PTPRN2: variants seen among roughly 807,000 people sequenced by gnomAD.
The protein encoded by PTPRN2 is receptor-type tyrosine-protein phosphatase N2.
Under a neutral mutation model 118.8 loss-of-function variants are expected in PTPRN2, and 74 were observed. That is an observed-to-expected ratio of 0.62 (90% confidence interval 0.52 to 0.76). The LOEUF (loss-of-function observed/expected upper bound fraction) is 0.76, where lower values mean the gene tolerates loss of function less well. Ranked by LOEUF, PTPRN2 falls within the 30% of genes least tolerant of loss-of-function variation. The probability of loss-of-function intolerance (pLI) is 0.00; values close to 1 mark genes in which losing one functional copy is unlikely to be tolerated. For missense variants in PTPRN2, 1,481 were observed against 1,394.4 expected, an observed-to-expected ratio of 1.06 and a Z score of -0.99; for synonymous variants, 641 against 608.0, an observed-to-expected ratio of 1.05 and a Z score of -0.80.
chr7:158,333,970 A>ACGTCAC (rs1563159014), intron 2 of PTPRN2, among the ~76,000 whole-genome samples: 2 of 3,684 alleles, frequency 5.4e-4, no homozygotes, highest in Non-Finnish European at 6.2e-4. Flanking sequence ...CACACCCACA[A>ACGTCAC]TCTCACCATA....
intron 2 of PTPRN2, among the ~76,000 whole-genome samples, chr7:158,374,714 C>T (rs768088284): frequency 6.6e-5 from 10 of 152,108 alleles, no homozygotes; most frequent in South Asian, 2.1e-4. Flanking sequence ...GAATGCCCTG[C>T]GGAAATCCAG....
In PTPRN2 at chr7:157,990,680, C is replaced by T. The variant is rs1205363108; in HGVS notation, c.1723+90618G>A. The stretch of plus-strand genomic sequence containing the variant: ...CCCTTCCCAGTGAAGTCCCAGGAAA[C>T]AGCCTCTCATGTTGCTGGGCCGGTG... On this transcript the variant is annotated intron_variant, in intron 11 of 22. Coordinates refer to ENST00000389418, the MANE Select transcript of PTPRN2 (RefSeq NM_002847.5). This position sits in a 1 kb window ranked among gnomAD's most constrained non-coding sequence, Gnocchi z 4.3. Among the ~76,000 whole-genome samples, 2 of 152,180 alleles carry T rather than the reference C, an allele frequency of 1.3e-5. No homozygotes were observed. Among genetic ancestry groups the T allele is most frequent in the African/African-American group, 4.8e-5 (2 of 41,432 alleles).
chr7:157,737,532 G>A (rs1206440465), intron 12 of PTPRN2, among the ~76,000 whole-genome samples: 1 of 152,252 alleles, frequency 6.6e-6, no homozygotes, highest in Non-Finnish European at 1.5e-5. Flanking sequence ...AGCTTCCCTG[G>A]TTATCCCCTG....
intron 12 of PTPRN2, among the ~76,000 whole-genome samples, chr7:157,783,269 A>G (rs1803795361): frequency 6.6e-6 from 1 of 151,868 alleles, no homozygotes; most frequent in Non-Finnish European, 1.5e-5. Context: ...ACAGACGAAT[A>G]CACCTGCCTT....
intron 2 of PTPRN2, 78 bp downstream of exon 2, chr7:158,489,657 G>T: frequency 7.0e-7 from 1 of 1,430,790 alleles, no homozygotes; most frequent in Non-Finnish European, 9.4e-7. Context: ...CAGCGGCGGG[G>T]CTCACCAGGC....
chr7:157,786,961 G>C (rs908969492), intron 12 of PTPRN2, among the ~76,000 whole-genome samples: 2 of 152,166 alleles, frequency 1.3e-5, no homozygotes, highest in Non-Finnish European at 2.9e-5. Flanking sequence ...GTCAGCTGTA[G>C]GTCCCATGGC....
rs561547928 is a variant in PTPRN2 at position 157,573,383 on chromosome 7, G to A, written c.2784-1890C>T. On this transcript the variant is annotated intron_variant, in intron 19 of 22. Transcript: ENST00000389418. Reference sequence around the variant, plus strand: ...GCCTCTGAATCTTGCAAATGGGAATGACCTCAGTTCTGCTCCTCCAGCTTC... The same window carrying A: ...GCCTCTGAATCTTGCAAATGGGAATAACCTCAGTTCTGCTCCTCCAGCTTC... Among the ~76,000 whole-genome samples the A allele has an allele frequency of 5.3e-5, 8 of 152,364 alleles. 1 individual carries two copies. The South Asian group carries it at 1.7e-3, about 32-fold the overall frequency.
At chr7:157,918,540 C>T (rs1265196700) in intron 11 of PTPRN2, among the ~76,000 whole-genome samples, 1 of 152,140 alleles carries the variant, frequency 6.6e-6, no homozygotes, top group Non-Finnish European at 1.5e-5. Context: ...TCAAACTACT[C>T]ATTATCTACA....
chr7:158,409,827 T>G (rs992091279), intron 2 of PTPRN2, among the ~76,000 whole-genome samples: 4 of 152,194 alleles, frequency 2.6e-5, no homozygotes, highest in Non-Finnish European at 5.9e-5. Flanking sequence ...GTTTTAAGAA[T>G]TGACATAAAG....
intron 2 of PTPRN2, among the ~76,000 whole-genome samples, chr7:158,342,135 G>GACA (rs1806977573): frequency 1.1e-5 from 1 of 90,228 alleles, no homozygotes; most frequent in Non-Finnish European, 2.5e-5. Flanking sequence ...CATAAGAGCT[G>GACA]TCGCCCGCAG....
intron 14 of PTPRN2, among the ~76,000 whole-genome samples, chr7:157,654,570 C>T (rs539919215): frequency 2.6e-5 from 4 of 152,320 alleles, no homozygotes; most frequent in Non-Finnish European, 4.4e-5. Context: ...AACAGGACCC[C>T]GTCACGGTGT....
chr7:157,768,235 C>G (rs1049200987), intron 12 of PTPRN2, among the ~76,000 whole-genome samples: 3 of 152,236 alleles, frequency 2.0e-5, no homozygotes, highest in Non-Finnish European at 2.9e-5. Context: ...ATCCAGAGCA[C>G]AGGAGATGCA....
At chr7:157,614,823 G>T (rs1366465527) in intron 15 of PTPRN2, among the ~76,000 whole-genome samples, 1 of 152,210 alleles carries the variant, frequency 6.6e-6, no homozygotes, top group Admixed American at 6.5e-5. Context: ...GAGGGCCTCG[G>T]ACACGGCCAG....
chr7:157,637,706 T>C (rs1804404546), intron 14 of PTPRN2, among the ~76,000 whole-genome samples: 1 of 152,154 alleles, frequency 6.6e-6, no homozygotes, highest in African/African-American at 2.4e-5. Context: ...TTTACTCCAC[T>C]GATGACGACA....
intron 2 of PTPRN2, among the ~76,000 whole-genome samples, chr7:158,378,342 C>A (rs977217760): frequency 1.3e-5 from 2 of 152,194 alleles, no homozygotes; most frequent in Admixed American, 6.5e-5. Flanking sequence ...AGAGGCTTCC[C>A]CAGGCACCTC....
chr7:158,156,617 C>T (rs944858449), intron 6 of PTPRN2, among the ~76,000 whole-genome samples: 2 of 152,198 alleles, frequency 1.3e-5, no homozygotes, highest in Non-Finnish European at 2.9e-5. Context: ...GTCAGACGCT[C>T]GGCATGATCA....
rs1050592398 is a variant in PTPRN2, at chr7:157,929,375, C to A, written c.1724-30638G>T. 1.3e-5 allele frequency among the ~76,000 whole-genome samples: 2 copies of A among 152,124 alleles called. No individual in the cohort carries two copies. Among genetic ancestry groups the A allele is most frequent in the Non-Finnish European group, 2.9e-5 (2 of 68,028 alleles). On this transcript the variant is annotated intron_variant, in intron 11 of 22. Coordinates refer to ENST00000389418, the MANE Select transcript of PTPRN2 (RefSeq NM_002847.5). The surrounding 1 kb of genome is among the most constrained non-coding windows in gnomAD (Gnocchi z 4.4). ...ACAAATGTCAACTCCTCTGTGGGTT[C>A]CTGCAGCACCGGGAGACCCTGGCGC...
At chr7:158,196,580 T>A (rs1002799603) in intron 4 of PTPRN2, among the ~76,000 whole-genome samples, 12 of 149,588 alleles carry the variant, frequency 8.0e-5, no homozygotes, top group African/African-American at 3.0e-4. Context: ...CACTTCCCCA[T>A]GAGGGGTCTT....
Position 157,540,583 on chromosome 7 carries a change from C to T in PTPRN2, c.*131G>A, listed in dbSNP as rs376406208. The T allele has an allele frequency of 7.4e-5, 46 of 619,074 alleles. No individual in the cohort carries two copies. In the East Asian group the frequency reaches 8.7e-4, roughly 12 times the overall value. 38.3% of individuals were successfully genotyped at this position (619,074 alleles called of 1,614,324 possible). On this transcript the variant is annotated 3_prime_UTR_variant, in exon 23 of 23. Coordinates refer to ENST00000389418, the MANE Select transcript of PTPRN2 (RefSeq NM_002847.5). ...AAATACACTTTTAACTGCTAAACTG[C>T]GCTGACTACGGGAGAGCTAAGGGCC...
Sources: allele counts gnomAD v4.1 joint callset (sites outside exome capture counted in the v4.1 genomes callset), GRCh38; gene constraint gnomAD v4.1.1; non-coding constraint Gnocchi (gnomAD v3.1); transcripts MANE v1.5; gene names NCBI Gene and HGNC (gene_info 2026-07-23, HGNC 2026-07-21).